AAR2: variants seen among roughly 807,000 people sequenced by gnomAD.
AAR2 encodes the protein AAR2 splicing factor, also known as protein AAR2 homolog.
A neutral mutation model predicts 26.9 loss-of-function variants in AAR2; 31 were observed. The observed-to-expected ratio is 1.15, with a 90% CI of 0.86 to 1.55. The LOEUF (loss-of-function observed/expected upper bound fraction) is 1.55. Among genes scored for constraint, AAR2 ranks in the 40% most tolerant of loss-of-function variants. The pLI, the probability that AAR2 is intolerant of heterozygous loss-of-function variation, is 0.00. For synonymous variants in AAR2, 188 were observed against 196.1 expected (o/e 0.96, Z 0.34); for missense variants, 430 against 491.3 (o/e 0.88, Z 1.18).
chr20:36,239,707 A>T, intron 1 of AAR2, 114 bp from the exon 2 acceptor site: 1 of 801,998 alleles, frequency 1.2e-6, no homozygotes, highest in Non-Finnish European at 1.9e-6. Flanking sequence ...CATGAGGATT[A>T]AGGGAAATAA....
Position 36,255,929 on chromosome 20 carries a change from C to T in AAR2, c.*184C>T, listed in dbSNP as rs113640620. 1.2e-6 allele frequency: 1 copy of T among 852,092 alleles called. No homozygotes were observed. The allele number at this position is 852,092 out of a possible 1,614,324, so 52.8% of individuals were successfully genotyped here. A position where few individuals can be genotyped will look rare whatever the true frequency, so the allele number is the denominator to read the frequency against. Reference sequence around the variant, plus strand: ...TTCTTCATTGCCAAAGAGGCTGTACCCATCCTGAAGGCACATTTGTGGGTT... The same window carrying T: ...TTCTTCATTGCCAAAGAGGCTGTACTCATCCTGAAGGCACATTTGTGGGTT... On this transcript the variant is annotated 3_prime_UTR_variant, in exon 4 of 4. Transcript: ENST00000320849.
rs2147303743 is a variant in AAR2 at position 36,256,750 on chromosome 20, G to C, written c.*1005G>C. 2 of 152,714 alleles carry C rather than the reference G, an allele frequency of 1.3e-5. No individual in the cohort carries two copies. The highest frequency in any genetic ancestry group is 3.9e-4 in the East Asian group (2 of 5,184). 9.5% of individuals were successfully genotyped at this position (152,714 alleles called of 1,614,324 possible). On this transcript the variant is annotated 3_prime_UTR_variant, in exon 4 of 4. Coordinates refer to ENST00000320849, the MANE Select transcript of AAR2 (RefSeq NM_001271874.2). ...CTCTCTAGACAAGTACACAGGCCCT[G>C]CCACCCTGACATCAAACTGTTGTAC...
intron 2 of AAR2, among the ~76,000 whole-genome samples, chr20:36,242,445 C>T (rs1377249756): frequency 1.3e-5 from 2 of 151,890 alleles, no homozygotes; most frequent in African/African-American, 4.8e-5. Context: ...GGCTGGAGTG[C>T]AGTGGTGTGA....
rs1024087375 is a variant in AAR2 at position 36,256,012 on chromosome 20, C to T, written c.*267C>T. On this transcript the variant is annotated 3_prime_UTR_variant, in exon 4 of 4. Coordinates refer to ENST00000320849, the MANE Select transcript of AAR2 (RefSeq NM_001271874.2). Reference sequence around the variant, plus strand: ...TGAATTTCACACAGGCTCTTACACACACACGCTCCTAGGAGACATCTGCCT... The same window carrying T: ...TGAATTTCACACAGGCTCTTACACATACACGCTCCTAGGAGACATCTGCCT... 1.3e-4 allele frequency: 62 copies of T among 465,546 alleles called. No individual in the cohort carries two copies. The Admixed American group carries it at 2.2e-3, about 17-fold the overall frequency. 28.8% of individuals were successfully genotyped at this position (465,546 alleles called of 1,614,324 possible).
chr20:36,251,408 A>G (rs1312608770), intron 3 of AAR2, among the ~76,000 whole-genome samples: 5 of 152,012 alleles, frequency 3.3e-5, no homozygotes, highest in Non-Finnish European at 1.5e-5. Context: ...TGTAAGTTAT[A>G]CCACAATAAG....
chr20:36,255,479 C>G, intron 3 of AAR2, 99 bp from the exon 4 acceptor site: 1 of 1,388,878 alleles, frequency 7.2e-7, no homozygotes, highest in South Asian at 1.3e-5. Flanking sequence ...GCTGATCTAC[C>G]CGCCCCAGAA....
At chr20:36,246,699 G>A (rs893338847) in intron 3 of AAR2, among the ~76,000 whole-genome samples, 1 of 152,218 alleles carries the variant, frequency 6.6e-6, no homozygotes, top group African/African-American at 2.4e-5. Context: ...ATAATTGCCA[G>A]GCTTTGTTGC....
At chr20:36,242,256 A>T (rs1276454419) in intron 2 of AAR2, among the ~76,000 whole-genome samples, 1 of 148,330 alleles carries the variant, frequency 6.7e-6, no homozygotes, top group Non-Finnish European at 1.5e-5. Context: ...GGCCCAAGTG[A>T]TCCTTCTGCC....
intron 3 of AAR2, among the ~76,000 whole-genome samples, chr20:36,247,828 C>T (rs1271514018): frequency 4.6e-5 from 7 of 151,956 alleles, no homozygotes; most frequent in Admixed American, 2.6e-4. Context: ...GAGATTGCAC[C>T]ACTACACTCC....
intron 2 of AAR2, among the ~76,000 whole-genome samples, chr20:36,243,715 CT>C: frequency 6.6e-6 from 1 of 152,338 alleles, no homozygotes; most frequent in African/African-American, 2.4e-5. Flanking sequence ...TTGAGTGCTA[CT>C]TTGTGCCAGG....
At chr20:36,236,579 G>T (rs943697217) in intron 1 of AAR2, 76 bp downstream of exon 1, 1 of 152,298 alleles carries the variant, frequency 6.6e-6, no homozygotes, top group Non-Finnish European at 1.5e-5. Flanking sequence ...CCTCTTCTCG[G>T]CTCAGAGTCA....
Position 36,255,559 on chromosome 20 carries a change from T to G in AAR2, c.988-19T>G. On this transcript the variant is annotated intron_variant, in intron 3 of 3. Coordinates refer to ENST00000320849, the MANE Select transcript of AAR2 (RefSeq NM_001271874.2). ...GCCCTCCGTCTTCTCAGGAGTGACTTATCCTCTGTTCTCTGTAGGTTTTCT... is the reference window on the plus strand; with the variant it reads ...GCCCTCCGTCTTCTCAGGAGTGACTGATCCTCTGTTCTCTGTAGGTTTTCT... 1.9e-6 allele frequency: 3 copies of G among 1,614,044 alleles called. No individual in the cohort carries two copies. Among genetic ancestry groups the G allele is most frequent in the South Asian group, 2.2e-5 (2 of 91,072 alleles).
intron 2 of AAR2, 89 bp from the exon 3 acceptor site, chr20:36,244,608 G>T (rs918316408): frequency 8.6e-6 from 11 of 1,285,214 alleles, no homozygotes; most frequent in East Asian, 2.3e-5. Context: ...CTGAGGTCCA[G>T]TGGAATTCAT....
rs772173369 is a variant in AAR2 at position 36,240,628 on chromosome 20, G to A, written c.757+3G>A. On this transcript the variant is annotated splice_donor_region_variant and intron_variant, in intron 2 of 3. Transcript: ENST00000320849. ...CAGCAGCCCCCAGGATGTGCTTGGT[G>A]AGAAGGAACAAGGCTCTTTGGGAGT... 2 of 1,607,344 alleles carry A rather than the reference G, an allele frequency of 1.2e-6. No individual in the cohort carries two copies. Among genetic ancestry groups the A allele is most frequent in the South Asian group, 2.2e-5 (2 of 90,908 alleles).
At chr20:36,249,114 T>G (rs1360388521) in intron 3 of AAR2, among the ~76,000 whole-genome samples, 2 of 152,170 alleles carry the variant, frequency 1.3e-5, no homozygotes, top group Non-Finnish European at 2.9e-5. Context: ...TTTGTGTGTG[T>G]GAGCACTTAA....
At chr20:36,238,976 A>G (rs926798499) in intron 1 of AAR2, among the ~76,000 whole-genome samples, 1 of 152,066 alleles carries the variant, frequency 6.6e-6, no homozygotes, top group African/African-American at 2.4e-5. Context: ...AGGTTGCATA[A>G]TGGTTTGTTT....
intron 1 of AAR2, 108 bp from the exon 2 acceptor site, chr20:36,239,713 A>C: frequency 3.6e-6 from 3 of 830,676 alleles, no homozygotes; most frequent in Non-Finnish European, 3.6e-6. Context: ...GATTAAGGGA[A>C]ATAATTATGT....
chr20:36,255,831 C>G lies in AAR2; in HGVS notation c.*86C>G. ...CCATTTACTTCTTCCCATCCTGGGA[C>G]CTGCCAGGGCAGCAATCTCTCCAGG... On this transcript the variant is annotated 3_prime_UTR_variant, in exon 4 of 4. Transcript: ENST00000320849. The G allele has an allele frequency of 6.7e-7, 1 of 1,487,892 alleles. No individual in the cohort carries two copies. The highest frequency in any genetic ancestry group is 9.1e-7 in the Non-Finnish European group (1 of 1,098,084). 92.2% of individuals were successfully genotyped at this position (1,487,892 alleles called of 1,614,324 possible).
At chr20:36,250,843 A>G (rs1044556448) in intron 3 of AAR2, among the ~76,000 whole-genome samples, 2 of 152,156 alleles carry the variant, frequency 1.3e-5, no homozygotes, top group Non-Finnish European at 2.9e-5. Context: ...AGCATTTAAA[A>G]TTGATGAATT....
Sources: allele counts gnomAD v4.1 joint callset (sites outside exome capture counted in the v4.1 genomes callset), GRCh38; gene constraint gnomAD v4.1.1; transcripts MANE v1.5; gene names NCBI Gene and HGNC (gene_info 2026-07-23, HGNC 2026-07-21).